ELMO1: variants seen among roughly 807,000 people sequenced by gnomAD.
The protein encoded by ELMO1 is engulfment and cell motility 1.
ELMO1 carries 26 observed loss-of-function variants against 98.9 expected under a neutral mutation model. That is an observed-to-expected ratio of 0.26 (90% confidence interval 0.19 to 0.36). The LOEUF is 0.36. Among genes scored for constraint, ELMO1 ranks in the 10% least tolerant of loss-of-function variants. The pLI is 1.00. For missense variants in ELMO1, 627 were observed against 935.2 expected, an observed-to-expected ratio of 0.67 and a Z score of 4.30; for synonymous variants, 346 against 346.0, an observed-to-expected ratio of 1.00 and a Z score of 0.00.
chr7:37,054,473 G>T (rs1796288386), intron 15 of ELMO1, among the ~76,000 whole-genome samples: 1 of 152,216 alleles, frequency 6.6e-6, no homozygotes, highest in Non-Finnish European at 1.5e-5. Flanking sequence ...GAAGAAGGTA[G>T]TGTGTGTTAT....
chr7:37,395,714 G>A (rs1315412284), intron 1 of ELMO1, among the ~76,000 whole-genome samples: 1 of 152,122 alleles, frequency 6.6e-6, no homozygotes, highest in African/African-American at 2.4e-5. Context: ...CATCTTGTTT[G>A]TTTTGCTTTG....
intron 13 of ELMO1, among the ~76,000 whole-genome samples, chr7:37,162,443 T>G (rs540462877): frequency 1.3e-5 from 2 of 152,222 alleles, no homozygotes; most frequent in Non-Finnish European, 2.9e-5. Flanking sequence ...TCCGAGTCAC[T>G]TGATGAAGTC....
intron 15 of ELMO1, among the ~76,000 whole-genome samples, chr7:37,056,097 T>C (rs1796379223): frequency 6.6e-6 from 1 of 152,226 alleles, no homozygotes; most frequent in Non-Finnish European, 1.5e-5. Context: ...CTCAATAATA[T>C]TTCAAGAAGA....
At position 37,157,526 on chromosome 7, in the gene ELMO1, G is replaced by A. The variant is rs116034810; in HGVS notation, c.1087-24292C>T. On this transcript the variant is annotated intron_variant, in intron 13 of 21. Coordinates refer to ENST00000310758, the MANE Select transcript of ELMO1 (RefSeq NM_014800.11). ...CAAGCATTCCTATGTACCAAGAATA[G>A]AGAGCCAAATCATGAGTGAACTCCC... 3.3e-3 allele frequency among the ~76,000 whole-genome samples: 505 copies of A among 151,706 alleles called. 2 individuals are homozygous for A. Among genetic ancestry groups the A allele is most frequent in the African/African-American group, 0.011 (462 of 41,442 alleles).
Position 36,895,157 on chromosome 7 carries a change from A to G in ELMO1, c.1438-140T>C, listed in dbSNP as rs1805889826. Reference sequence around the variant, plus strand: ...CATTAACCTTGAGCATGCTTTTCCAAAACAGTCAACTTCCATTATGCCCAT... The same window carrying G: ...CATTAACCTTGAGCATGCTTTTCCAGAACAGTCAACTTCCATTATGCCCAT... On this transcript the variant is annotated intron_variant, in intron 16 of 21. Transcript: ENST00000310758. The G allele has an allele frequency of 8.8e-6, 8 of 905,794 alleles. No homozygotes were observed. In the Middle Eastern group the frequency reaches 1.8e-3, roughly 201 times the overall value. The allele number at this position is 905,794 out of a possible 1,614,324, so 56.1% of individuals were successfully genotyped here.
chr7:37,423,305 C>T (rs947044825), intron 1 of ELMO1, among the ~76,000 whole-genome samples: 7 of 152,194 alleles, frequency 4.6e-5, no homozygotes, highest in African/African-American at 9.7e-5. Context: ...GTTGGCCGGG[C>T]GTGGTGGCTT....
rs1801967564 is a variant in ELMO1 at position 36,853,166 on chromosome 7, A to T, written c.*2385T>A. On this transcript the variant is annotated 3_prime_UTR_variant, in exon 22 of 22. Coordinates refer to ENST00000310758, the MANE Select transcript of ELMO1 (RefSeq NM_014800.11). ...TCCTTCCCCACATGGTCACAAAATGAATGGAAACAGATGGCATACTCTTCA... is the reference window on the plus strand; with the variant it reads ...TCCTTCCCCACATGGTCACAAAATGTATGGAAACAGATGGCATACTCTTCA... Among the ~76,000 whole-genome samples the T allele has an allele frequency of 6.6e-6, 1 of 152,192 alleles. No individual in the cohort carries two copies.
intron 17 of ELMO1, among the ~76,000 whole-genome samples, chr7:36,893,003 G>A (rs1320064082): frequency 2.0e-5 from 3 of 151,824 alleles, no homozygotes; most frequent in Non-Finnish European, 4.4e-5. Flanking sequence ...CTTAGGAAGT[G>A]AAGATATAAA....
intron 16 of ELMO1, among the ~76,000 whole-genome samples, chr7:36,935,306 G>C (rs562285207): frequency 6.0e-4 from 91 of 152,138 alleles, no homozygotes; most frequent in Non-Finnish European, 1.2e-3. Flanking sequence ...CCAGCCATGT[G>C]GAACTGTGAG....
intron 13 of ELMO1, among the ~76,000 whole-genome samples, chr7:37,192,826 G>A (rs913181622): frequency 1.4e-5 from 2 of 143,914 alleles, no homozygotes; most frequent in African/African-American, 5.1e-5. Flanking sequence ...GTGTGTGTGT[G>A]TATATATGTA....
intron 4 of ELMO1, among the ~76,000 whole-genome samples, chr7:37,298,287 G>GTTT (rs937078176): frequency 1.6e-4 from 16 of 101,436 alleles, no homozygotes; most frequent in African/African-American, 6.1e-4. Context: ...AGTTTTTTTT[G>GTTT]TTTTTTTTTT....
At chr7:36,926,760 TGCTGAA>T (rs1355230539) in intron 16 of ELMO1, among the ~76,000 whole-genome samples, 2 of 152,244 alleles carry the variant, frequency 1.3e-5, no homozygotes, top group African/African-American at 4.8e-5. Flanking sequence ...AGTAACTCAT[TGCTGAA>T]GCTCAGAGGC....
intron 2 of ELMO1, among the ~76,000 whole-genome samples, chr7:37,329,257 T>C (rs1799976734): frequency 6.6e-6 from 1 of 152,224 alleles, no homozygotes; most frequent in Non-Finnish European, 1.5e-5. Context: ...GACAACTCTT[T>C]TAGTTTTATT....
intron 15 of ELMO1, among the ~76,000 whole-genome samples, chr7:37,061,816 T>A (rs554966079): frequency 6.6e-6 from 1 of 152,364 alleles, no homozygotes; most frequent in African/African-American, 2.4e-5. Flanking sequence ...ATATTTAGAT[T>A]AATTGCCAAC....
At chr7:37,177,778 T>G (rs976069338) in intron 13 of ELMO1, among the ~76,000 whole-genome samples, 1 of 152,236 alleles carries the variant, frequency 6.6e-6, no homozygotes. Flanking sequence ...CTATGTGGTA[T>G]ATACTGGGAC....
At chr7:36,938,074 T>G (rs570930906) in intron 16 of ELMO1, among the ~76,000 whole-genome samples, 78 of 152,340 alleles carry the variant, frequency 5.1e-4, no homozygotes, top group African/African-American at 1.8e-3. Context: ...ATCCTTTTTC[T>G]AAAATATACT....
At chr7:37,049,777 CTT>C (rs34896674) in intron 15 of ELMO1, among the ~76,000 whole-genome samples, 2,109 of 130,972 alleles carry the variant, frequency 0.016, 50 homozygotes, top group African/African-American at 0.056. Context: ...TGTTTTGTTT[CTT>C]TTTTTTTTTT....
At chr7:37,049,873 G>C (rs1796009903) in intron 15 of ELMO1, among the ~76,000 whole-genome samples, 1 of 151,518 alleles carries the variant, frequency 6.6e-6, no homozygotes, top group African/African-American at 2.4e-5. Flanking sequence ...CGACTCCCAG[G>C]TTCAAGCGAT....
intron 13 of ELMO1, among the ~76,000 whole-genome samples, chr7:37,164,109 T>C (rs1333210630): frequency 1.3e-5 from 2 of 152,230 alleles, no homozygotes; most frequent in Admixed American, 6.5e-5. Context: ...CATTTTTTCA[T>C]CAGTCTTTTG....
Sources: gnomAD v4.1 joint callset for allele counts (sites outside exome capture counted in the v4.1 genomes callset) on GRCh38, gnomAD v4.1.1 for gene constraint, MANE v1.5 for transcripts, NCBI Gene and HGNC (gene_info 2026-07-23, HGNC 2026-07-21) for gene names.